SLC29A1: variants seen among roughly 807,000 people sequenced by gnomAD.
SLC29A1 encodes solute carrier family 29 member 1 (Augustine blood group).
A neutral mutation model predicts 48.3 loss-of-function variants in SLC29A1; 22 were observed. That is an observed-to-expected ratio of 0.46 (90% confidence interval 0.33 to 0.65). The LOEUF (loss-of-function observed/expected upper bound fraction) is 0.65, where lower values mean the gene tolerates loss of function less well. SLC29A1 is among the 30% of genes least tolerant of loss of function. SLC29A1 has a pLI of 0.03. For missense variants in SLC29A1, 491 were observed against 575.3 expected (o/e 0.85, Z 1.50); for synonymous variants, 228 against 231.0 (o/e 0.99, Z 0.12).
chr6:44,223,633 C>T lies in SLC29A1; in HGVS notation c.-60C>T, dbSNP rs918181311. ...GGATCTCAGCGCGGGAGCAGTGCTT[C>T]TGCGGCAGGTGCTGCCCGGGGCCGG... On this transcript the variant is annotated 5_prime_UTR_variant, in exon 1 of 13. Transcript: ENST00000371755. This position sits in a 1 kb window ranked among gnomAD's most constrained non-coding sequence, Gnocchi z 5.0. 1 of 1,209,276 alleles carries T rather than the reference C, an allele frequency of 8.3e-7. No homozygotes were observed. The highest frequency in any genetic ancestry group is 3.0e-5 in the Admixed American group (1 of 33,700). The allele number at this position is 1,209,276 out of a possible 1,614,324, so 74.9% of individuals were successfully genotyped here.
Position 44,233,007 on chromosome 6 carries a change from G to A in SLC29A1, c.1259+1G>A. 6.2e-7 allele frequency: 1 copy of A among 1,611,950 alleles called. No individual in the cohort carries two copies. Among genetic ancestry groups the A allele is most frequent in the Non-Finnish European group, 8.5e-7 (1 of 1,180,012 alleles). Reference sequence around the variant, plus strand: ...GCCTCTGCATGTGCTTCGGGCCCAAGTGAGTAGGGCTGGCAGGGAACTTGG... The same window carrying A: ...GCCTCTGCATGTGCTTCGGGCCCAAATGAGTAGGGCTGGCAGGGAACTTGG... On this transcript the variant is annotated splice_donor_variant, in intron 12 of 12. Transcript: ENST00000371755. LOFTEE classifies it high-confidence loss of function.
At chr6:44,226,822 C>T (rs1777639975) in intron 1 of SLC29A1, 29 of 1,018,074 alleles carry the variant, frequency 2.8e-5, no homozygotes, top group Non-Finnish European at 3.3e-5. Flanking sequence ...CCCCCGACCT[C>T]TTTGCTGTGT....
Position 44,229,388 on chromosome 6 carries a change from A to C in SLC29A1, c.30-2A>C. 3.7e-6 allele frequency: 6 copies of C among 1,612,992 alleles called. No individual in the cohort carries two copies. The highest frequency in any genetic ancestry group is 5.1e-6 in the Non-Finnish European group (6 of 1,179,016). ...TGGCCCATCTTTCCTCCTCCATTGCAGATACAAAGCTGTCTGGCTTATCTT... is the reference window on the plus strand; with the variant it reads ...TGGCCCATCTTTCCTCCTCCATTGCCGATACAAAGCTGTCTGGCTTATCTT... On this transcript the variant is annotated splice_acceptor_variant, in intron 2 of 12. Transcript: ENST00000371755. LOFTEE classifies it high-confidence loss of function. This position sits in a 1 kb window ranked among gnomAD's most constrained non-coding sequence, Gnocchi z 5.1.
rs981071430 is a variant in SLC29A1, at chr6:44,223,879, C to A, written c.-52+238C>A. On this transcript the variant is annotated intron_variant, in intron 1 of 12. Coordinates refer to ENST00000371755, the MANE Select transcript of SLC29A1 (RefSeq NM_001372327.1). This position sits in a 1 kb window ranked among gnomAD's most constrained non-coding sequence, Gnocchi z 5.0. ...CAAGCTGGGCGGGGCGGCCTGGCTC[C>A]CGGGCCTAAAACAGGCTGCGGTCAC... The A allele has an allele frequency of 2.1e-5, 21 of 998,226 alleles. No individual in the cohort carries two copies. The highest frequency in any genetic ancestry group is 5.1e-4 in the Middle Eastern group (1 of 1,942). The allele number at this position is 998,226 out of a possible 1,614,324, so 61.8% of individuals were successfully genotyped here.
rs1449869611 is a variant in SLC29A1 at position 44,223,836 on chromosome 6, C to A, written c.-52+195C>A. 1 of 1,000,956 alleles carries A rather than the reference C, an allele frequency of 1.0e-6. No individual in the cohort carries two copies. The highest frequency in any genetic ancestry group is 1.2e-6 in the Non-Finnish European group (1 of 839,792). The allele number at this position is 1,000,956 out of a possible 1,614,324, so 62.0% of individuals were successfully genotyped here. On this transcript the variant is annotated intron_variant, in intron 1 of 12. Coordinates refer to ENST00000371755, the MANE Select transcript of SLC29A1 (RefSeq NM_001372327.1). This position sits in a 1 kb window ranked among gnomAD's most constrained non-coding sequence, Gnocchi z 5.0. ...CGCACGGGCCAGGGAGCCTGAGGAC[C>A]CTGCGGGGACCGGGACCCAAGCTGG...
At position 44,229,357 on chromosome 6, in the gene SLC29A1, G is replaced by C; in HGVS notation, c.30-33G>C. The C allele has an allele frequency of 6.5e-7, 1 of 1,546,362 alleles. No homozygotes were observed. The highest frequency in any genetic ancestry group is 8.9e-7 in the Non-Finnish European group (1 of 1,118,122). On this transcript the variant is annotated intron_variant, in intron 2 of 12. Coordinates refer to ENST00000371755, the MANE Select transcript of SLC29A1 (RefSeq NM_001372327.1). This position sits in a 1 kb window ranked among gnomAD's most constrained non-coding sequence, Gnocchi z 5.1. ...ATTGTGGAGTGGGGCAGGATGGTGCGTCATTTGGCCCATCTTTCCTCCTCC... is the reference window on the plus strand; with the variant it reads ...ATTGTGGAGTGGGGCAGGATGGTGCCTCATTTGGCCCATCTTTCCTCCTCC...
At position 44,229,698 on chromosome 6, in the gene SLC29A1, ACT is replaced by A. The variant is rs1561881933; in HGVS notation, c.227_228del (p.Leu76GlnfsTer75). The A allele has an allele frequency of 1.9e-6, 3 of 1,613,858 alleles. No homozygotes were observed. The highest frequency in any genetic ancestry group is 2.5e-6 in the Non-Finnish European group (3 of 1,179,974). The stretch of plus-strand genomic sequence containing the variant: ...CCTGCAGCACCCTTGCCTGAGCGGA[ACT>A]CTCTCAGTGCCATCTTCAACAATGT... On this transcript the variant is annotated frameshift_variant, in exon 4 of 13. Coordinates refer to ENST00000371755, the MANE Select transcript of SLC29A1 (RefSeq NM_001372327.1). LOFTEE classifies it high-confidence loss of function. This position sits in a 1 kb window ranked among gnomAD's most constrained non-coding sequence, Gnocchi z 5.1.
Position 44,229,917 on chromosome 6 carries a change from T to C in SLC29A1, c.325T>C (p.Ser109Pro). 2 of 1,613,288 alleles carry C rather than the reference T, an allele frequency of 1.2e-6. No individual in the cohort carries two copies. Among genetic ancestry groups the C allele is most frequent in the Non-Finnish European group, 1.7e-6 (2 of 1,180,018 alleles). ...GGCCTCTCCCGGCAGGATCCCCCAG[T>C]CCGTACGGATCCTGGGCAGCCTGGT... ...NSFLHQRIPQ[S>P]VRILGSLVAI... Residue 109 changes from serine (S) to proline (P), a missense_variant, in exon 5 of 13, where the codon TCC (serine) becomes CCC (proline). By Grantham distance (74) the Ser-to-Pro change is moderately conservative. Coordinates refer to ENST00000371755, the MANE Select transcript of SLC29A1 (RefSeq NM_001372327.1). The surrounding 1 kb of genome is among the most constrained non-coding windows in gnomAD (Gnocchi z 5.1).
chr6:44,223,885 C>A lies in SLC29A1; in HGVS notation c.-52+244C>A. ...GGGCGGGGCGGCCTGGCTCCCGGGC[C>A]TAAAACAGGCTGCGGTCACGTTGAC... On this transcript the variant is annotated intron_variant, in intron 1 of 12. Transcript: ENST00000371755. The surrounding 1 kb of genome is among the most constrained non-coding windows in gnomAD (Gnocchi z 5.0). The A allele has an allele frequency of 2.0e-6, 2 of 996,342 alleles. No individual in the cohort carries two copies. Among genetic ancestry groups the A allele is most frequent in the Non-Finnish European group, 2.4e-6 (2 of 837,134 alleles). The allele number at this position is 996,342 out of a possible 1,614,324, so 61.7% of individuals were successfully genotyped here.
chr6:44,227,096 T>C, intron 1 of SLC29A1, 167 bp from the exon 2 acceptor site: 1 of 1,412,192 alleles, frequency 7.1e-7, no homozygotes, highest in Non-Finnish European at 9.2e-7. Context: ...GCCAGGGGGC[T>C]GGGTGGGGGT....
intron 2 of SLC29A1, among the ~76,000 whole-genome samples, chr6:44,228,863 C>T (rs1376373078): frequency 1.3e-5 from 2 of 152,238 alleles, no homozygotes; most frequent in African/African-American, 2.4e-5. Context: ...CCTCTCTTCA[C>T]AGCGGCCCTG....
rs1162870927 is a variant in SLC29A1 at position 44,229,220 on chromosome 6, C to A, written c.30-170C>A. On this transcript the variant is annotated intron_variant, in intron 2 of 12. Coordinates refer to ENST00000371755, the MANE Select transcript of SLC29A1 (RefSeq NM_001372327.1). This position sits in a 1 kb window ranked among gnomAD's most constrained non-coding sequence, Gnocchi z 5.1. Reference sequence around the variant, plus strand: ...CCCAAATTCCAACGAGCAATGTACCCTTTTCTCCCCCCACACCCATAAGAG... The same window carrying A: ...CCCAAATTCCAACGAGCAATGTACCATTTTCTCCCCCCACACCCATAAGAG... Among the ~76,000 whole-genome samples the A allele has an allele frequency of 6.6e-6, 1 of 151,794 alleles. No individual in the cohort carries two copies. Among genetic ancestry groups the A allele is most frequent in the Non-Finnish European group, 1.5e-5 (1 of 67,864 alleles).
At chr6:44,223,472 CGGGGTGGCA>C, upstream of SLC29A1, 3 of 695,522 alleles carry the variant, frequency 4.3e-6, no homozygotes, top group Non-Finnish European at 4.8e-6. This position sits in a 1 kb window ranked among gnomAD's most constrained non-coding sequence, Gnocchi z 5.0. Context: ...GGAGTCGCCG[CGGGGTGGCA>C]GGGGTGGGCC....
At position 44,229,494 on chromosome 6, in the gene SLC29A1, C is replaced by T; in HGVS notation, c.111+23C>T. 1.2e-6 allele frequency: 2 copies of T among 1,611,408 alleles called. No individual in the cohort carries two copies. Among genetic ancestry groups the T allele is most frequent in the Admixed American group, 1.7e-5 (1 of 60,020 alleles). ...CAGGTGAGGCTGGAGGGACTGGGCT[C>T]CATGGGGCAGTGCCCACTGTGCTTG... On this transcript the variant is annotated intron_variant, in intron 3 of 12. Transcript: ENST00000371755. This position sits in a 1 kb window ranked among gnomAD's most constrained non-coding sequence, Gnocchi z 5.1.
At position 44,232,783 on chromosome 6, in the gene SLC29A1, T is replaced by G; in HGVS notation, c.1060-24T>G. On this transcript the variant is annotated intron_variant, in intron 11 of 12. Coordinates refer to ENST00000371755, the MANE Select transcript of SLC29A1 (RefSeq NM_001372327.1). The surrounding 1 kb of genome is among the most constrained non-coding windows in gnomAD (Gnocchi z 4.7). ...TGTGCCCTGGGGTGGCGGCCTGGGC[T>G]GAGGCCCTGCCTGGTGCCCACAGCC... 6.2e-7 allele frequency: 1 copy of G among 1,603,930 alleles called. No individual in the cohort carries two copies. The highest frequency in any genetic ancestry group is 8.5e-7 in the Non-Finnish European group (1 of 1,178,578).
At chr6:44,230,509 G>T (rs375252354) in intron 6 of SLC29A1, 28 bp downstream of exon 6, 2 of 1,613,858 alleles carry the variant, frequency 1.2e-6, no homozygotes, top group South Asian at 1.1e-5. Flanking sequence ...CCTGCCCAGT[G>T]CCCTGGTGTG....
chr6:44,230,452 C>G lies in SLC29A1; in HGVS notation c.560C>G (p.Ala187Gly). ...MSGQGLAGFFASVAMICAIAS... is the reference protein window; with the variant it reads ...MSGQGLAGFFGSVAMICAIAS... The stretch of plus-strand genomic sequence containing the variant: ...GGCCAGGGCCTAGCAGGCTTCTTTG[C>G]CTCCGTGGCCATGATCTGCGCTATT... Residue 187 changes from alanine to glycine, a missense_variant, in exon 6 of 13, where the codon GCC (alanine) becomes GGC (glycine). Ala to Gly is a moderately conservative substitution (Grantham distance 60). Transcript: ENST00000371755. The G allele has an allele frequency of 6.2e-7, 1 of 1,613,942 alleles. No homozygotes were observed. The highest frequency in any genetic ancestry group is 8.5e-7 in the Non-Finnish European group (1 of 1,180,000).
In SLC29A1 at chr6:44,227,258, A is replaced by T. The variant is rs1777782624; in HGVS notation, c.-51-5A>T. On this transcript the variant is annotated splice_region_variant and splice_polypyrimidine_tract_variant and intron_variant, in intron 1 of 12. Coordinates refer to ENST00000371755, the MANE Select transcript of SLC29A1 (RefSeq NM_001372327.1). Reference sequence around the variant, plus strand: ...AGGGCCTCACACTGTTCCTGCCCCCAGCAGGCCCCTGAGGGAGGGAGCTGT... The same window carrying T: ...AGGGCCTCACACTGTTCCTGCCCCCTGCAGGCCCCTGAGGGAGGGAGCTGT... 6.2e-7 allele frequency: 1 copy of T among 1,612,924 alleles called. No individual in the cohort carries two copies. The highest frequency in any genetic ancestry group is 8.5e-7 in the Non-Finnish European group (1 of 1,179,452).
upstream of SLC29A1, among the ~76,000 whole-genome samples, chr6:44,223,017 C>G (rs955588641): frequency 1.4e-4 from 21 of 152,088 alleles, no homozygotes; most frequent in Non-Finnish European, 2.8e-4. This position sits in a 1 kb window ranked among gnomAD's most constrained non-coding sequence, Gnocchi z 5.0. Context: ...CTGGATGTGT[C>G]AGGGATGGGA....
Sources: allele counts gnomAD v4.1 joint callset (sites outside exome capture counted in the v4.1 genomes callset), GRCh38; gene constraint gnomAD v4.1.1; non-coding constraint Gnocchi (gnomAD v3.1); transcripts MANE v1.5; gene names NCBI Gene and HGNC (gene_info 2026-07-23, HGNC 2026-07-21).